Variants in RSF1 observed in about 807,000 individuals in gnomAD.
The protein encoded by RSF1 is HBV pX-associated protein 8.
RSF1 carries 13 observed loss-of-function variants against 145.2 expected under a neutral mutation model. That is an observed-to-expected ratio of 0.09 (90% CI 0.06 to 0.14). RSF1 has a LOEUF of 0.14. Among genes scored for constraint, RSF1 ranks in the 10% least tolerant of loss-of-function variants. RSF1 has a pLI of 1.00. For synonymous variants in RSF1, 577 were observed against 592.6 expected (o/e 0.97, Z 0.38); for missense variants, 1,517 against 1,718.2 (o/e 0.88, Z 2.07).
intron 1 of RSF1, among the ~76,000 whole-genome samples, chr11:77,818,488 A>AAAAATT (rs1231326088): frequency 6.6e-6 from 1 of 152,212 alleles, no homozygotes; most frequent in African/African-American, 2.4e-5. Flanking sequence ...CTACCTTCTT[A>AAAAATT]AAAATTAAAA....
At chr11:77,698,125 C>T (rs1414041622) in intron 7 of RSF1, among the ~76,000 whole-genome samples, 1 of 152,152 alleles carries the variant, frequency 6.6e-6, no homozygotes, top group Admixed American at 6.5e-5. Context: ...GAACTACTGG[C>T]ATGTGGCCAC....
intron 5 of RSF1, among the ~76,000 whole-genome samples, chr11:77,714,403 T>A (rs1168162226): frequency 6.6e-6 from 1 of 152,202 alleles, no homozygotes; most frequent in African/African-American, 2.4e-5. Flanking sequence ...TGATAAATTT[T>A]CCCCTTCTAA....
chr11:77,698,701 A>G lies in RSF1; in HGVS notation c.2509-8T>C. On this transcript the variant is annotated splice_region_variant and splice_polypyrimidine_tract_variant and intron_variant, in intron 6 of 15. Transcript: ENST00000308488. ...TTTGCCTTTGGGTTTTACCTTGTAT[A>G]AAATAAAAAAAATTGGGATAATTTG... 1 of 1,607,838 alleles carries G rather than the reference A, an allele frequency of 6.2e-7. No individual in the cohort carries two copies. The highest frequency in any genetic ancestry group is 1.3e-5 in the African/African-American group (1 of 74,710).
intron 7 of RSF1, among the ~76,000 whole-genome samples, chr11:77,698,233 G>A (rs768819432): frequency 6.6e-6 from 1 of 152,188 alleles, no homozygotes; most frequent in African/African-American, 2.4e-5. Flanking sequence ...TCCTCAATCT[G>A]TGAGAAGAGA....
chr11:77,721,413 G>A (rs1960937988), intron 5 of RSF1, among the ~76,000 whole-genome samples: 1 of 152,208 alleles, frequency 6.6e-6, no homozygotes, highest in Non-Finnish European at 1.5e-5. Flanking sequence ...GAGAGGACAA[G>A]GGTGAGAGAC....
chr11:77,836,346 A>C, the RSF1 span, among the ~76,000 whole-genome samples: 1 of 152,040 alleles, frequency 6.6e-6, no homozygotes, highest in Admixed American at 6.6e-5. Flanking sequence ...TCAGGCCCTA[A>C]TCTAATAGGA....
At chr11:77,826,283 A>G in the RSF1 span, among the ~76,000 whole-genome samples, 8 of 151,432 alleles carry the variant, frequency 5.3e-5, no homozygotes, top group African/African-American at 1.9e-4. Context: ...AATCACTTGA[A>G]CCCAGGAGGC....
chr11:77,804,779 G>A (rs866753117), intron 1 of RSF1, among the ~76,000 whole-genome samples: 3 of 152,324 alleles, frequency 2.0e-5, no homozygotes, highest in South Asian at 2.1e-4. Context: ...GCAGTAAGCC[G>A]TGATTCCACC....
the RSF1 span, among the ~76,000 whole-genome samples, chr11:77,870,381 A>G: frequency 8.2e-6 from 1 of 121,244 alleles, no homozygotes; most frequent in Non-Finnish European, 1.6e-5. Flanking sequence ...TCTGTCGCCC[A>G]GGCTGAGTGC....
At chr11:77,803,826 T>G (rs1948650585) in intron 1 of RSF1, among the ~76,000 whole-genome samples, 1 of 152,038 alleles carries the variant, frequency 6.6e-6, no homozygotes, top group Non-Finnish European at 1.5e-5. Flanking sequence ...ACACCTATAA[T>G]CCTAGCGCTT....
rs773477361 is a variant in RSF1, at chr11:77,820,686, A to ACCGCCGCCGCTG, written c.17_28dup (p.Ala6_Ala9dup). The stretch of plus-strand genomic sequence containing the variant: ...ACCCGGGCAGCCCGGAGGAGCCATC[A>ACCGCCGCCGCTG]CCGCCGCCGCTGCCGCCGCCGTCGC... On this transcript the variant is annotated inframe_insertion, in exon 1 of 16. Coordinates refer to ENST00000308488, the MANE Select transcript of RSF1 (RefSeq NM_016578.4). 6 of 1,551,084 alleles carry ACCGCCGCCGCTG rather than the reference A, an allele frequency of 3.9e-6. No homozygotes were observed. The highest frequency in any genetic ancestry group is 4.3e-4 in the Middle Eastern group (2 of 4,644).
intron 7 of RSF1, among the ~76,000 whole-genome samples, chr11:77,696,013 T>G (rs1372184489): frequency 6.6e-6 from 1 of 152,182 alleles, no homozygotes; most frequent in Admixed American, 6.6e-5. Context: ...ACCATTACAA[T>G]GCATCACCAC....
chr11:77,669,921 G>C (rs1016696080), intron 15 of RSF1, among the ~76,000 whole-genome samples: 1 of 152,176 alleles, frequency 6.6e-6, no homozygotes, highest in African/African-American at 2.4e-5. Context: ...TTGAGGCCAG[G>C]AGTTTAAGGT....
At chr11:77,728,349 G>GTAAAGATACACTTTGTAAA (rs1407211858) in intron 4 of RSF1, among the ~76,000 whole-genome samples, 1 of 151,996 alleles carries the variant, frequency 6.6e-6, no homozygotes, top group Non-Finnish European at 1.5e-5. Context: ...TATATTACAC[G>GTAAAGATACACTTTGTAAA]GATAAACTTT....
chr11:77,715,193 A>G (rs562824398), intron 5 of RSF1, among the ~76,000 whole-genome samples: 1 of 152,264 alleles, frequency 6.6e-6, no homozygotes, highest in Admixed American at 6.5e-5. Context: ...TTTAAAAAAA[A>G]GCAGCAGCAC....
At chr11:77,858,290 G>A in the RSF1 span, among the ~76,000 whole-genome samples, 1 of 119,110 alleles carries the variant, frequency 8.4e-6, no homozygotes, top group Admixed American at 9.4e-5. Context: ...CACCTCCTGC[G>A]TTTAAGCAAT....
intron 13 of RSF1, among the ~76,000 whole-genome samples, chr11:77,676,424 C>T (rs118114611): frequency 6.6e-6 from 1 of 152,252 alleles, no homozygotes; most frequent in East Asian, 1.9e-4. Context: ...AGTCCAACTT[C>T]TATGAGTCAT....
Position 77,683,900 on chromosome 11 carries a change from C to T in RSF1, c.2956-81G>A, listed in dbSNP as rs569136899. The stretch of plus-strand genomic sequence containing the variant: ...TTGGGATAAACAGTTTTGTAATCTC[C>T]ATTTAGGTAGCACATGTGAAAGGTC... On this transcript the variant is annotated intron_variant, in intron 10 of 15. Transcript: ENST00000308488. 3 of 1,019,268 alleles carry T rather than the reference C, an allele frequency of 2.9e-6. No individual in the cohort carries two copies. In the East Asian group the frequency reaches 7.5e-5, roughly 25 times the overall value. 63.1% of individuals were successfully genotyped at this position (1,019,268 alleles called of 1,614,324 possible). A position where few individuals can be genotyped will look rare whatever the true frequency, so the allele number is the denominator to read the frequency against.
chr11:77,849,261 G>A, the RSF1 span, among the ~76,000 whole-genome samples: 70 of 151,232 alleles, frequency 4.6e-4, no homozygotes, highest in African/African-American at 1.5e-3. Flanking sequence ...TTGCTGTGTC[G>A]CCCAGGCTGG....
Sources: allele counts gnomAD v4.1 joint callset (sites outside exome capture counted in the v4.1 genomes callset), GRCh38; gene constraint gnomAD v4.1.1; transcripts MANE v1.5; gene names NCBI Gene and HGNC (gene_info 2026-07-23, HGNC 2026-07-21).